The following JARID2 variants were observed in gnomAD, a reference collection of about 807,000 sequenced individuals.
The protein encoded by JARID2 is jumonji and AT-rich interaction domain containing 2.
In JARID2, 21 loss-of-function variants were observed where a neutral mutation model predicts 125.6. The observed-to-expected ratio is 0.17, with a 90% CI of 0.12 to 0.24. The LOEUF (loss-of-function observed/expected upper bound fraction) is 0.24. Among genes scored for constraint, JARID2 ranks in the 10% least tolerant of loss-of-function variants. The probability of loss-of-function intolerance (pLI) is 1.00; values close to 1 mark genes in which losing one functional copy is unlikely to be tolerated. For missense variants in JARID2, 1,303 were observed against 1,639.6 expected (o/e 0.79, Z 3.55); for synonymous variants, 736 against 661.6 (o/e 1.11, Z -1.73).
chr6:15,308,001 CA>C (rs1264755411), intron 1 of JARID2, among the ~76,000 whole-genome samples: 1 of 152,192 alleles, frequency 6.6e-6, no homozygotes, highest in African/African-American at 2.4e-5. Flanking sequence ...TTGTTCTGCT[CA>C]AAACTTTCGA....
intron 1 of JARID2, among the ~76,000 whole-genome samples, chr6:15,279,082 C>G (rs1480887629): frequency 1.4e-5 from 2 of 141,068 alleles, no homozygotes; most frequent in African/African-American, 6.2e-5. Context: ...CAGAATGAAA[C>G]TGTGTCTCCA....
chr6:15,282,028 T>C (rs1356460579), intron 1 of JARID2, among the ~76,000 whole-genome samples: 6 of 151,860 alleles, frequency 4.0e-5, no homozygotes, highest in African/African-American at 1.5e-4. Context: ...CAGCGAACTG[T>C]AACCTTTGCC....
chr6:15,504,742 C>G (rs1770913596), intron 9 of JARID2, 150 bp downstream of exon 9: 1 of 607,076 alleles, frequency 1.6e-6, no homozygotes, highest in African/African-American at 1.9e-5. Flanking sequence ...GAGCGTGCAC[C>G]AGGGCAGCCA....
At chr6:15,469,327 T>C (rs1168627358) in intron 5 of JARID2, among the ~76,000 whole-genome samples, 1 of 99,352 alleles carries the variant, frequency 1.0e-5, no homozygotes, top group Non-Finnish European at 2.1e-5. Flanking sequence ...TGTCTCTCTC[T>C]CTCTCTCTCC....
At chr6:15,489,159 C>T (rs1770025717) in intron 6 of JARID2, among the ~76,000 whole-genome samples, 1 of 152,218 alleles carries the variant, frequency 6.6e-6, no homozygotes, top group South Asian at 2.1e-4. Context: ...CATCCTGTCT[C>T]CTTTCCCAGA....
intron 4 of JARID2, 89 bp downstream of exon 4, chr6:15,452,264 G>A (rs957393590): frequency 6.6e-7 from 1 of 1,506,690 alleles, no homozygotes; most frequent in Admixed American, 2.3e-5. Flanking sequence ...TTTACTCTCT[G>A]CCATGTTCAT....
intron 1 of JARID2, among the ~76,000 whole-genome samples, chr6:15,358,308 A>G (rs1157740734): frequency 6.6e-6 from 1 of 152,194 alleles, no homozygotes; most frequent in Non-Finnish European, 1.5e-5. Context: ...TTAATTAGTG[A>G]TTAGTTTCTG....
chr6:15,329,225 A>T (rs1167366757), intron 1 of JARID2, among the ~76,000 whole-genome samples: 1 of 151,366 alleles, frequency 6.6e-6, no homozygotes, highest in Non-Finnish European at 1.5e-5. Flanking sequence ...CAAGCCTGTA[A>T]TTCCCTCCTT....
chr6:15,399,793 C>A (rs1233196400), intron 2 of JARID2, among the ~76,000 whole-genome samples: 1 of 152,190 alleles, frequency 6.6e-6, no homozygotes, highest in African/African-American at 2.4e-5. Flanking sequence ...GGCATGTTTC[C>A]ATTTCCTCTG....
chr6:15,312,551 C>T (rs1261113324), intron 1 of JARID2, among the ~76,000 whole-genome samples: 1 of 152,202 alleles, frequency 6.6e-6, no homozygotes, highest in Non-Finnish European at 1.5e-5. Flanking sequence ...GACCTGCCTT[C>T]TTGCACTGTA....
chr6:15,512,480 G>A (rs951710529), intron 14 of JARID2, 90 bp downstream of exon 14: 15 of 1,182,564 alleles, frequency 1.3e-5, no homozygotes, highest in African/African-American at 6.1e-5. Flanking sequence ...CTGCGTGTGC[G>A]TGTCTATTTG....
chr6:15,422,535 A>C (rs544063144), intron 3 of JARID2, among the ~76,000 whole-genome samples: 2 of 152,312 alleles, frequency 1.3e-5, no homozygotes, highest in African/African-American at 4.8e-5. Flanking sequence ...TGGAGGCTGC[A>C]CATGCTGCTC....
chr6:15,398,772 T>C (rs966168538), intron 2 of JARID2, among the ~76,000 whole-genome samples: 17 of 152,232 alleles, frequency 1.1e-4, no homozygotes, highest in African/African-American at 4.1e-4. Flanking sequence ...GATAGTGTTT[T>C]ATTAGTGCTG....
intron 1 of JARID2, among the ~76,000 whole-genome samples, chr6:15,254,651 C>T (rs1759586135): frequency 6.6e-6 from 1 of 152,152 alleles, no homozygotes; most frequent in African/African-American, 2.4e-5. Context: ...GTAAGTCTGT[C>T]AAGCTCCACC....
intron 2 of JARID2, among the ~76,000 whole-genome samples, chr6:15,378,441 T>C (rs887301045): frequency 2.4e-4 from 36 of 152,146 alleles, no homozygotes; most frequent in Middle Eastern, 3.4e-3. Context: ...GTGTCCTCTT[T>C]CATGCCTTCG....
At chr6:15,378,078 G>A (rs949375118) in intron 2 of JARID2, among the ~76,000 whole-genome samples, 9 of 151,370 alleles carry the variant, frequency 5.9e-5, no homozygotes, top group African/African-American at 2.2e-4. Context: ...TAGTAGAGGC[G>A]GGGTTTCACC....
chr6:15,482,819 C>T (rs1769686555), intron 5 of JARID2, among the ~76,000 whole-genome samples: 1 of 152,148 alleles, frequency 6.6e-6, no homozygotes, highest in South Asian at 2.1e-4. Context: ...CATTAATATC[C>T]ATTGGTTTGT....
At position 15,279,318 on chromosome 6, in the gene JARID2, G is replaced by A. The variant is rs563832742; in HGVS notation, c.45+32734G>A. Among the ~76,000 whole-genome samples the A allele has an allele frequency of 3.3e-5, 5 of 152,214 alleles. No homozygotes were observed. The South Asian group carries it at 8.3e-4, about 25-fold the overall frequency. ...CTGTTTTCTGAAATGGTTGGAGCAC[G>A]TCACTCCTATCTGCAATGTCTGTGT... is the stretch of plus-strand genomic sequence containing the variant. On this transcript the variant is annotated intron_variant, in intron 1 of 17. Transcript: ENST00000341776.
intron 3 of JARID2, among the ~76,000 whole-genome samples, chr6:15,445,598 A>C (rs1183737095): frequency 6.6e-6 from 1 of 152,154 alleles, no homozygotes; most frequent in Non-Finnish European, 1.5e-5. Context: ...AGGAAGTACA[A>C]ATACTCTCTG....
Sources: allele counts gnomAD v4.1 joint callset (sites outside exome capture counted in the v4.1 genomes callset), GRCh38; gene constraint gnomAD v4.1.1; transcripts MANE v1.5; gene names NCBI Gene and HGNC (gene_info 2026-07-23, HGNC 2026-07-21).